The following SULT1B1 variants were observed in gnomAD, a reference collection of about 807,000 sequenced individuals.
SULT1B1 encodes sulfotransferase 1B1.
In SULT1B1, 28 loss-of-function variants were observed where a neutral mutation model predicts 34.6. The observed-to-expected ratio is 0.81, with a 90% confidence interval of 0.60 to 1.11. SULT1B1 has a LOEUF of 1.11. SULT1B1 is among the 50% of genes least tolerant of loss of function. SULT1B1 has a pLI of 0.00. For synonymous variants in SULT1B1, 147 were observed against 110.2 expected (o/e 1.33, Z -2.09); for missense variants, 374 against 352.2 (o/e 1.06, Z -0.50).
At chr4:69,731,867 G>A (rs1578047769) in intron 6 of SULT1B1, among the ~76,000 whole-genome samples, 1 of 152,096 alleles carries the variant, frequency 6.6e-6, no homozygotes, top group African/African-American at 2.4e-5. Flanking sequence ...AATGTTATGT[G>A]GGAAACAGTG....
In SULT1B1 at chr4:69,756,782, G is replaced by A. The variant is rs148167220; in HGVS notation, c.-44-1521C>T. Among the ~76,000 whole-genome samples, 892 of 152,192 alleles carry A rather than the reference G, an allele frequency of 5.9e-3. 7 individuals carry two copies. The highest frequency in any genetic ancestry group is 0.023 in the Admixed American group (352 of 15,278). ...CTGCCTCTAAAATAATGTCATATAT[G>A]TATGTGTTCAAAGGCAGTCAGACAG... On this transcript the variant is annotated intron_variant, in intron 1 of 7. Transcript: ENST00000310613.
chr4:69,756,664 C>T (rs569602423), intron 1 of SULT1B1, among the ~76,000 whole-genome samples: 63 of 152,304 alleles, frequency 4.1e-4, no homozygotes, highest in African/African-American at 1.5e-3. Flanking sequence ...GGATCTCCAG[C>T]CTGCCAGCCT....
chr4:69,757,321 TCGC>T (rs1719229956), intron 1 of SULT1B1, among the ~76,000 whole-genome samples: 1 of 152,160 alleles, frequency 6.6e-6, no homozygotes, highest in Non-Finnish European at 1.5e-5. Context: ...TTAGATGAAA[TCGC>T]ATTGCTTCTA....
intron 4 of SULT1B1, among the ~76,000 whole-genome samples, chr4:69,745,663 A>T (rs548557853): frequency 2.7e-4 from 41 of 152,204 alleles, no homozygotes; most frequent in African/African-American, 9.2e-4. Flanking sequence ...TCTTTATCCA[A>T]CTTGCCAGTC....
At chr4:69,744,554 G>T (rs919027009) in intron 4 of SULT1B1, among the ~76,000 whole-genome samples, 3 of 152,208 alleles carry the variant, frequency 2.0e-5, no homozygotes, top group African/African-American at 7.2e-5. Context: ...AGTCTCTGCA[G>T]GTTCCTTGTA....
intron 4 of SULT1B1, among the ~76,000 whole-genome samples, chr4:69,744,994 T>C (rs1290195815): frequency 6.6e-6 from 1 of 152,242 alleles, no homozygotes; most frequent in East Asian, 1.9e-4. Context: ...TTATTTACAT[T>C]GTTTCAGGGG....
intron 6 of SULT1B1, among the ~76,000 whole-genome samples, 158 bp downstream of exon 6, chr4:69,733,255 A>G (rs1379915691): frequency 6.6e-6 from 1 of 152,144 alleles, no homozygotes; most frequent in Non-Finnish European, 1.5e-5. Context: ...ACAATTAGAA[A>G]CTCATTAATT....
chr4:69,759,886 G>A (rs1719328552), intron 1 of SULT1B1, among the ~76,000 whole-genome samples: 1 of 152,060 alleles, frequency 6.6e-6, no homozygotes, highest in Admixed American at 6.5e-5. Flanking sequence ...AATATTAATG[G>A]AACAAAAGAG....
chr4:69,754,537 T>G, intron 3 of SULT1B1, 133 bp downstream of exon 3: 1 of 824,206 alleles, frequency 1.2e-6, no homozygotes, highest in South Asian at 2.0e-5. Context: ...TATTCTTCAG[T>G]TTTATATTGT....
rs745651476 is a variant in SULT1B1, at chr4:69,734,087, G to A, written c.502+51C>T. ...AAAGTCATAAAAGTTATTGTTAATA[G>A]TATTATTAAAATAAAAAATACTTAT... On this transcript the variant is annotated intron_variant, in intron 5 of 7. Transcript: ENST00000310613. The A allele has an allele frequency of 1.7e-4, 230 of 1,367,148 alleles. 1 individual carries two copies. Among genetic ancestry groups the A allele is most frequent in the Middle Eastern group, 1.0e-3 (4 of 3,960 alleles). The allele number at this position is 1,367,148 out of a possible 1,614,324, so 84.7% of individuals were successfully genotyped here.
chr4:69,754,015 T>G (rs965857432), intron 3 of SULT1B1, among the ~76,000 whole-genome samples: 1 of 152,204 alleles, frequency 6.6e-6, no homozygotes, highest in African/African-American at 2.4e-5. Flanking sequence ...GCCTGATTTG[T>G]GAATTGTCCT....
At chr4:69,732,548 C>T (rs563786315) in intron 6 of SULT1B1, among the ~76,000 whole-genome samples, 25 of 151,988 alleles carry the variant, frequency 1.6e-4, no homozygotes, top group African/African-American at 4.3e-4. Context: ...AGACAAACTT[C>T]GTAATTTTCA....
intron 4 of SULT1B1, among the ~76,000 whole-genome samples, chr4:69,749,181 G>T (rs1366162200): frequency 6.6e-6 from 1 of 152,008 alleles, no homozygotes; most frequent in Non-Finnish European, 1.5e-5. Flanking sequence ...AACAAATCCT[G>T]CAGCCGTTAA....
At chr4:69,743,079 TTCTC>T (rs1244306430) in intron 4 of SULT1B1, among the ~76,000 whole-genome samples, 2 of 152,184 alleles carry the variant, frequency 1.3e-5, no homozygotes, top group African/African-American at 4.8e-5. Context: ...TCTTCTCTCT[TTCTC>T]TCTTCTGTCT....
Position 69,730,549 on chromosome 4 carries a change from G to C in SULT1B1, c.730C>G (p.Leu244Val). The change falls in exon 7 of 8, where the codon CTA becomes GTA. Residue 244 changes from leucine (L) to valine (V), a missense_variant. Transcript: ENST00000310613. ...KDNPLVNYTH[L>V]PTTVMDHSKS... ...CTATGATCCATCACTGTAGTTGGTA[G>C]ATGTGTATAATTTACCAAAGGATTG... The C allele has an allele frequency of 1.2e-6, 2 of 1,612,566 alleles. No homozygotes were observed.
intron 4 of SULT1B1, among the ~76,000 whole-genome samples, chr4:69,736,015 G>A (rs1045057850): frequency 1.3e-5 from 2 of 152,176 alleles, no homozygotes; most frequent in Non-Finnish European, 2.9e-5. Flanking sequence ...TAGCAGCCGT[G>A]TGGCATGGTG....
intron 4 of SULT1B1, among the ~76,000 whole-genome samples, chr4:69,736,064 A>G (rs1260204753): frequency 1.3e-5 from 2 of 152,204 alleles, no homozygotes; most frequent in Non-Finnish European, 2.9e-5. Flanking sequence ...CACAGCAATT[A>G]TGAGACATTG....
intron 3 of SULT1B1, among the ~76,000 whole-genome samples, chr4:69,750,860 C>T (rs1053149652): frequency 3.9e-5 from 6 of 151,970 alleles, no homozygotes; most frequent in Non-Finnish European, 7.4e-5. Flanking sequence ...CATCGAGAAC[C>T]GTGACTAGCA....
At chr4:69,758,171 T>C (rs1389161105) in intron 1 of SULT1B1, 1 of 320,164 alleles carries the variant, frequency 3.1e-6, no homozygotes, top group African/African-American at 2.3e-5. Flanking sequence ...TTAATGTGGA[T>C]GGTCAAGAAG....
Sources: gnomAD v4.1 joint callset for allele counts (sites outside exome capture counted in the v4.1 genomes callset) on GRCh38, gnomAD v4.1.1 for gene constraint, MANE v1.5 for transcripts, NCBI Gene and HGNC (gene_info 2026-07-23, HGNC 2026-07-21) for gene names.